The following TLE4 variants were observed in gnomAD, a reference collection of about 807,000 sequenced individuals.
TLE4 encodes transducin-like enhancer protein 4.
A neutral mutation model predicts 92.8 loss-of-function variants in TLE4; 8 were observed. The observed-to-expected ratio is 0.09, with a 90% CI of 0.05 to 0.16. The LOEUF is 0.16. Among genes scored for constraint, TLE4 ranks in the 10% least tolerant of loss-of-function variants. The probability of loss-of-function intolerance (pLI) is 1.00; values close to 1 mark genes in which losing one functional copy is unlikely to be tolerated. For synonymous variants in TLE4, 371 were observed against 374.1 expected (o/e 0.99, Z 0.10); for missense variants, 675 against 997.6 (o/e 0.68, Z 4.36).
intron 4 of TLE4, among the ~76,000 whole-genome samples, chr9:79,587,169 T>TG (rs1352633776): frequency 6.6e-6 from 1 of 152,240 alleles, no homozygotes; most frequent in Admixed American, 6.5e-5. Context: ...GAATGAATGA[T>TG]GGAACAGCTA....
At chr9:79,706,057 T>A (rs2071476590) in intron 10 of TLE4, 115 bp downstream of exon 10, 3 of 1,037,248 alleles carry the variant, frequency 2.9e-6, no homozygotes, top group Admixed American at 3.4e-5. Flanking sequence ...ATTGTTGTTG[T>A]TTTTTGAGGC....
intron 8 of TLE4, among the ~76,000 whole-genome samples, chr9:79,685,630 A>G (rs533441846): frequency 6.6e-6 from 1 of 152,342 alleles, no homozygotes; most frequent in South Asian, 2.1e-4. Flanking sequence ...AAGCAAAACA[A>G]AACATGGATT....
At position 79,708,732 on chromosome 9, in the gene TLE4, G is replaced by A; in HGVS notation, c.1209G>A (p.Met403Ile). 2 of 1,611,768 alleles carry A rather than the reference G, an allele frequency of 1.2e-6. No homozygotes were observed. Among genetic ancestry groups the A allele is most frequent in the Non-Finnish European group, 1.7e-6 (2 of 1,180,030 alleles). The change falls in exon 13 of 20, where the codon ATG (methionine) becomes ATA (isoleucine). Residue 403 changes from methionine to isoleucine, a missense_variant. By Grantham distance (10) the Met-to-Ile change is conservative. Transcript: ENST00000376552. ...YAGLHNISPQ[M>I]SAAAAAAAAA... ...GGCTCCACAACATCTCCCCTCAGAT[G>A]AGCGCAGCTGCTGCCGCCGCCGCTG...
At chr9:79,584,828 A>G (rs1483527852) in intron 4 of TLE4, among the ~76,000 whole-genome samples, 1 of 152,236 alleles carries the variant, frequency 6.6e-6, no homozygotes, top group Admixed American at 6.5e-5. Flanking sequence ...ACAAGTTAGT[A>G]TAGCTAAAGT....
chr9:79,630,608 T>C (rs1404636374), intron 6 of TLE4, among the ~76,000 whole-genome samples: 1 of 152,138 alleles, frequency 6.6e-6, no homozygotes, highest in Non-Finnish European at 1.5e-5. Flanking sequence ...AGCCACTGTG[T>C]TTTTAAATTA....
At chr9:79,645,808 C>T (rs2058019590) in intron 6 of TLE4, among the ~76,000 whole-genome samples, 2 of 151,982 alleles carry the variant, frequency 1.3e-5, no homozygotes, top group Admixed American at 1.3e-4. Flanking sequence ...TCTTGAGTGG[C>T]CCATCAAGGA....
chr9:79,587,896 G>A (rs2041548867), intron 4 of TLE4, among the ~76,000 whole-genome samples: 1 of 151,468 alleles, frequency 6.6e-6, no homozygotes, highest in Non-Finnish European at 1.5e-5. Flanking sequence ...TGCTTCAGAT[G>A]TATTAATTTG....
intron 5 of TLE4, among the ~76,000 whole-genome samples, chr9:79,619,345 C>A (rs765217858): frequency 3.9e-5 from 6 of 152,006 alleles, no homozygotes; most frequent in Non-Finnish European, 7.3e-5. Context: ...TAATATGGTA[C>A]TGAATTACTT....
rs755111551 is a variant in TLE4, at chr9:79,725,177, C to T, written c.*33C>T. 1.2e-5 allele frequency: 18 copies of T among 1,499,368 alleles called. No individual in the cohort carries two copies. The Admixed American group carries it at 2.9e-4, about 24-fold the overall frequency. 92.9% of individuals were successfully genotyped at this position (1,499,368 alleles called of 1,614,324 possible). A position where few individuals can be genotyped will look rare whatever the true frequency, so the allele number is the denominator to read the frequency against. On this transcript the variant is annotated 3_prime_UTR_variant, in exon 20 of 20. Coordinates refer to ENST00000376552, the MANE Select transcript of TLE4 (RefSeq NM_007005.6). ...TCTTCATGCAGACTGGACTTCTCCT[C>T]CTGGTAGCACTTTGCTCTGTCATCC...
In TLE4 at chr9:79,720,319, G is replaced by T. The variant is rs370883753; in HGVS notation, c.1838+26G>T. On this transcript the variant is annotated intron_variant, in intron 16 of 19. Transcript: ENST00000376552. ...GTAGGTTAGCAGGATCTGTTACCAGGTTGTGAGGAGGAGCCGATTTTACCA... is the reference window on the plus strand; with the variant it reads ...GTAGGTTAGCAGGATCTGTTACCAGTTTGTGAGGAGGAGCCGATTTTACCA... 4.4e-6 allele frequency: 7 copies of T among 1,594,620 alleles called. 1 individual carries two copies. In the African/African-American group the frequency reaches 9.4e-5, roughly 21 times the overall value.
intron 4 of TLE4, among the ~76,000 whole-genome samples, chr9:79,578,266 G>A (rs918378228): frequency 4.6e-5 from 7 of 152,146 alleles, no homozygotes; most frequent in Admixed American, 6.5e-5. Flanking sequence ...TCTCAAGATC[G>A]GGTTAGGTTT....
At position 79,725,670 on chromosome 9, in the gene TLE4, GT is replaced by G. The variant is rs33918432; in HGVS notation, c.*534del. The G allele has an allele frequency of 0.78, 119,541 of 152,526 alleles. 47,032 individuals carry two copies. Among genetic ancestry groups the G allele is most frequent in the South Asian group, 0.83 (4,021 of 4,818 alleles). 9.4% of individuals were successfully genotyped at this position (152,526 alleles called of 1,614,324 possible). ...CAATATGTTGCTGTGTTGTTATTAG[GT>G]TTTTTTTGTTTTTGTTTTCTACATC... On this transcript the variant is annotated 3_prime_UTR_variant, in exon 20 of 20. Transcript: ENST00000376552.
At chr9:79,713,370 T>A (rs1397128804) in intron 14 of TLE4, among the ~76,000 whole-genome samples, 1 of 152,178 alleles carries the variant, frequency 6.6e-6, no homozygotes, top group Non-Finnish European at 1.5e-5. Flanking sequence ...TGTCAGAGAG[T>A]CCAAGCCTAG....
intron 1 of TLE4, 60 bp downstream of exon 1, chr9:79,572,895 C>A: frequency 6.5e-7 from 1 of 1,542,396 alleles, no homozygotes; most frequent in South Asian, 1.2e-5. Context: ...CGCGTCGCCC[C>A]CTGCGCACCG....
chr9:79,664,225 A>G (rs1230487565), intron 8 of TLE4, among the ~76,000 whole-genome samples: 1 of 152,210 alleles, frequency 6.6e-6, no homozygotes, highest in African/African-American at 2.4e-5. Context: ...ATTTAGCCTG[A>G]CAGCACTCTC....
chr9:79,590,123 C>T (rs999320569), intron 4 of TLE4, among the ~76,000 whole-genome samples: 5 of 152,146 alleles, frequency 3.3e-5, no homozygotes, highest in Non-Finnish European at 7.4e-5. Context: ...GGACAGAGAA[C>T]TGTTTGGAAA....
chr9:79,593,550 G>A (rs1384164733), intron 4 of TLE4, among the ~76,000 whole-genome samples: 1 of 151,974 alleles, frequency 6.6e-6, no homozygotes, highest in East Asian at 1.9e-4. Flanking sequence ...GTTAGATTGA[G>A]GCCTTTAAAA....
At chr9:79,630,784 G>A (rs988881957) in intron 6 of TLE4, among the ~76,000 whole-genome samples, 7 of 152,132 alleles carry the variant, frequency 4.6e-5, no homozygotes, top group Non-Finnish European at 1.0e-4. Context: ...ATCAGTACAT[G>A]CTGTGTGAAT....
chr9:79,613,309 A>G (rs1472687172), intron 5 of TLE4, among the ~76,000 whole-genome samples: 3 of 152,036 alleles, frequency 2.0e-5, no homozygotes, highest in Admixed American at 6.6e-5. Context: ...GGCTTAGCAC[A>G]TTGCTAAGGC....
Sources: allele counts gnomAD v4.1 joint callset (sites outside exome capture counted in the v4.1 genomes callset), GRCh38; gene constraint gnomAD v4.1.1; transcripts MANE v1.5; gene names NCBI Gene and HGNC (gene_info 2026-07-23, HGNC 2026-07-21).